Variants in RSRC1 observed in about 807,000 individuals in gnomAD.
The protein encoded by RSRC1 is arginine and serine rich coiled-coil 1.
RSRC1 carries 39 observed loss-of-function variants against 49.1 expected under a neutral mutation model. The observed-to-expected ratio is 0.79, with a 90% CI of 0.61 to 1.04. RSRC1 has a LOEUF of 1.04. RSRC1 is among the 50% of genes least tolerant of loss of function. The probability of loss-of-function intolerance (pLI) is 0.00; values close to 1 mark genes in which losing one functional copy is unlikely to be tolerated. For synonymous variants in RSRC1, 143 were observed against 130.8 expected (o/e 1.09, Z -0.63); for missense variants, 388 against 402.4 (o/e 0.96, Z 0.31).
At chr3:158,113,603 G>C (rs891584797) in intron 1 of RSRC1, among the ~76,000 whole-genome samples, 16 of 151,886 alleles carry the variant, frequency 1.1e-4, no homozygotes, top group African/African-American at 3.9e-4. Context: ...TCCTGACCTC[G>C]TGATCCACCC....
chr3:158,223,717 T>C (rs1240613854), intron 4 of RSRC1, among the ~76,000 whole-genome samples: 1 of 151,680 alleles, frequency 6.6e-6, no homozygotes, highest in Non-Finnish European at 1.5e-5. Context: ...TGACTTCTTT[T>C]TGAAGTTTTT....
At chr3:158,351,117 A>G (rs917525840) in intron 5 of RSRC1, among the ~76,000 whole-genome samples, 2 of 152,122 alleles carry the variant, frequency 1.3e-5, no homozygotes, top group African/African-American at 2.4e-5. Context: ...ACTTTTTCTG[A>G]GCCAGGCAGC....
At chr3:158,467,292 G>A (rs190902351) in intron 7 of RSRC1, among the ~76,000 whole-genome samples, 1 of 152,216 alleles carries the variant, frequency 6.6e-6, no homozygotes, top group Admixed American at 6.5e-5. Context: ...CATTCTAGAG[G>A]ATAAGGGGGA....
intron 3 of RSRC1, among the ~76,000 whole-genome samples, chr3:158,163,759 A>T (rs949860523): frequency 1.3e-5 from 2 of 149,364 alleles, no homozygotes; most frequent in Non-Finnish European, 3.0e-5. Context: ...CTTTATAGCA[A>T]TTTTTTTTTT....
At chr3:158,469,221 A>G (rs1738020986) in intron 7 of RSRC1, 1 of 308,838 alleles carries the variant, frequency 3.2e-6, no homozygotes, top group Non-Finnish European at 6.3e-6. Context: ...ACCTACATCT[A>G]GTTGATCTAA....
intron 4 of RSRC1, among the ~76,000 whole-genome samples, chr3:158,296,596 G>A (rs534910575): frequency 2.6e-5 from 4 of 152,014 alleles, no homozygotes; most frequent in East Asian, 1.9e-4. Context: ...TTCCAGCTCC[G>A]ATAAATGCAT....
chr3:158,463,644 G>A (rs1465130115), intron 7 of RSRC1, among the ~76,000 whole-genome samples: 2 of 152,040 alleles, frequency 1.3e-5, no homozygotes, highest in Non-Finnish European at 2.9e-5. Flanking sequence ...TCTCAGAAAA[G>A]CTATTGTATT....
intron 3 of RSRC1, among the ~76,000 whole-genome samples, chr3:158,138,032 T>G (rs940940803): frequency 2.6e-5 from 4 of 152,168 alleles, no homozygotes; most frequent in African/African-American, 9.6e-5. Flanking sequence ...GTTTCACATC[T>G]TGACTCACAT....
At chr3:158,329,164 T>G (rs1225418221) in intron 5 of RSRC1, among the ~76,000 whole-genome samples, 2 of 152,238 alleles carry the variant, frequency 1.3e-5, no homozygotes, top group African/African-American at 4.8e-5. Flanking sequence ...GTTTTTATCT[T>G]CTTTGCATTG....
At chr3:158,202,936 C>G in intron 3 of RSRC1, 136 bp from the exon 4 acceptor site, 1 of 561,040 alleles carries the variant, frequency 1.8e-6, no homozygotes. Flanking sequence ...TATTCAGGTG[C>G]TTGCTTCACG....
intron 6 of RSRC1, among the ~76,000 whole-genome samples, chr3:158,456,747 T>TATG (rs1737346790): frequency 6.6e-6 from 1 of 152,070 alleles, no homozygotes; most frequent in Non-Finnish European, 1.5e-5. Context: ...AAACAAAAGG[T>TATG]ACTGTGGCCC....
chr3:158,370,491 T>A (rs1732007165), intron 6 of RSRC1, among the ~76,000 whole-genome samples: 1 of 151,978 alleles, frequency 6.6e-6, no homozygotes, highest in African/African-American at 2.4e-5. Context: ...TAGAATGTGT[T>A]GTAAATGGAA....
rs371684723 is a variant in RSRC1, at chr3:158,440,191, G to A, written c.584-20744G>A. Among the ~76,000 whole-genome samples the A allele has an allele frequency of 1.4e-3, 216 of 151,426 alleles. 1 individual carries two copies. Among genetic ancestry groups the A allele is most frequent in the African/African-American group, 5.1e-3 (209 of 41,302 alleles). ...TGGTATATGTAGCAAGTTGGAAAAA[G>A]TTCTTCGTGTTTGAAGTGTAAAGGA... On this transcript the variant is annotated intron_variant, in intron 6 of 9. Coordinates refer to ENST00000611884, the MANE Select transcript of RSRC1 (RefSeq NM_001271838.2).
chr3:158,211,204 G>C (rs545207995), intron 4 of RSRC1, among the ~76,000 whole-genome samples: 1 of 151,844 alleles, frequency 6.6e-6, no homozygotes, highest in Non-Finnish European at 1.5e-5. Flanking sequence ...GAGTTGTAGT[G>C]TAATGGAAGA....
chr3:158,537,099 C>T lies in RSRC1; in HGVS notation c.660C>T (p.Ala220=). 6.2e-7 allele frequency: 1 copy of T among 1,607,898 alleles called. No individual in the cohort carries two copies. Among genetic ancestry groups the T allele is most frequent in the Non-Finnish European group, 8.5e-7 (1 of 1,175,740 alleles). The change falls in exon 8 of 10, where the codon GCC becomes GCT. Residue 220 remains alanine (A), a synonymous_variant. Transcript: ENST00000611884. The part of the protein sequence containing the change: ...EAKRRKEEDQ[A]TLVEQVKRVK... ...TTATACCCTCTTTTTCAGACCAAGC[C>T]ACCCTGGTAGAACAAGTAAAAAGAG... is the stretch of plus-strand genomic sequence containing the variant.
chr3:158,339,379 T>C (rs566161176), intron 5 of RSRC1, among the ~76,000 whole-genome samples: 1 of 152,126 alleles, frequency 6.6e-6, no homozygotes, highest in East Asian at 1.9e-4. Flanking sequence ...GTCTGTCATG[T>C]TGTCTGGGAA....
intron 6 of RSRC1, among the ~76,000 whole-genome samples, chr3:158,426,006 C>T (rs546981871): frequency 6.6e-6 from 1 of 151,456 alleles, no homozygotes; most frequent in Non-Finnish European, 1.5e-5. Flanking sequence ...TGTATGAGGA[C>T]TTGTTATTAC....
intron 6 of RSRC1, among the ~76,000 whole-genome samples, chr3:158,390,322 A>G (rs1733205285): frequency 6.6e-6 from 1 of 152,170 alleles, no homozygotes; most frequent in Admixed American, 6.5e-5. Flanking sequence ...CCTTGCAACT[A>G]TAGTTAGTGG....
chr3:158,347,679 G>A (rs1407926136), intron 5 of RSRC1, among the ~76,000 whole-genome samples: 2 of 151,974 alleles, frequency 1.3e-5, no homozygotes, highest in African/African-American at 4.8e-5. Context: ...CCAAATACTT[G>A]GGACTACAGG....
Sources: gnomAD v4.1 joint callset for allele counts (sites outside exome capture counted in the v4.1 genomes callset) on GRCh38, gnomAD v4.1.1 for gene constraint, MANE v1.5 for transcripts, NCBI Gene and HGNC (gene_info 2026-07-23, HGNC 2026-07-21) for gene names.